The following SMAD2 variants were observed in gnomAD, a reference collection of about 807,000 sequenced individuals.
The protein encoded by SMAD2 is SMAD family member 2.
SMAD2 carries 8 observed loss-of-function variants against 64.4 expected under a neutral mutation model. That is an observed-to-expected ratio of 0.12 (90% CI 0.07 to 0.22). SMAD2 has a LOEUF of 0.22. Among genes scored for constraint, SMAD2 ranks in the 10% least tolerant of loss-of-function variants. SMAD2 has a pLI of 1.00. For synonymous variants in SMAD2, 203 were observed against 195.8 expected (o/e 1.04, Z -0.31); for missense variants, 289 against 561.2 (o/e 0.51, Z 4.90).
Position 47,869,403 on chromosome 18 carries a change from T to C in SMAD2, c.360A>G (p.Arg120=). The C allele has an allele frequency of 6.2e-7, 1 of 1,613,336 alleles. No individual in the cohort carries two copies. Among genetic ancestry groups the C allele is most frequent in the Non-Finnish European group, 8.5e-7 (1 of 1,179,726 alleles). ...AATATATAACATGTGGCAATCCTTT[T>C]CGATGGGATACCTGGAGACGACCAT... ...SLDGRLQVSH[R]KGLPHVIYCR... is the part of the protein sequence containing the mutation. Residue 120 remains arginine, a synonymous_variant, in exon 4 of 11, where the codon CGA becomes CGG. Transcript: ENST00000262160.
At chr18:47,928,095 C>A (rs912831792) in intron 1 of SMAD2, among the ~76,000 whole-genome samples, 4 of 151,984 alleles carry the variant, frequency 2.6e-5, no homozygotes, top group Non-Finnish European at 4.4e-5. Context: ...AAAAGACATG[C>A]CCCCCTCTAC....
chr18:47,916,355 G>C (rs946909998), intron 1 of SMAD2, among the ~76,000 whole-genome samples: 1 of 152,068 alleles, frequency 6.6e-6, no homozygotes, highest in Non-Finnish European at 1.5e-5. Flanking sequence ...TTGTAGTCTG[G>C]TGTTTTGCTT....
Position 47,841,560 on chromosome 18 carries a change from A to T in SMAD2, c.*267T>A. The T allele has an allele frequency of 2.0e-6, 1 of 505,020 alleles. No individual in the cohort carries two copies. Among genetic ancestry groups the T allele is most frequent in the Non-Finnish European group, 3.6e-6 (1 of 276,878 alleles). The allele number at this position is 505,020 out of a possible 1,614,324, so 31.3% of individuals were successfully genotyped here. ...ACTGTTATTAATAAACCTTTGGGAC[A>T]CTCAGTTTTATGCCCAATAAGACAT... On this transcript the variant is annotated 3_prime_UTR_variant, in exon 11 of 11. Transcript: ENST00000262160.
chr18:47,843,774 T>A (rs553147440), intron 10 of SMAD2, among the ~76,000 whole-genome samples: 11 of 152,302 alleles, frequency 7.2e-5, no homozygotes, highest in African/African-American at 2.6e-4. Context: ...ACTGCTTCTG[T>A]AATTACAGAT....
At chr18:47,916,862 A>T (rs969236491) in intron 1 of SMAD2, among the ~76,000 whole-genome samples, 1 of 152,236 alleles carries the variant, frequency 6.6e-6, no homozygotes, top group East Asian at 1.9e-4. Flanking sequence ...TTAAAATCTC[A>T]GTTTGTCTGC....
In SMAD2 at chr18:47,837,780, T is replaced by C; in HGVS notation, c.*4047A>G. On this transcript the variant is annotated 3_prime_UTR_variant, in exon 11 of 11. Coordinates refer to ENST00000262160, the MANE Select transcript of SMAD2 (RefSeq NM_005901.6). ...AAGAAAAAAGTATTCATTGTTCATG[T>C]CCACAGACTAGATATCTAAAGAGAT... is the stretch of plus-strand genomic sequence containing the variant. 1 of 233,026 alleles carries C rather than the reference T, an allele frequency of 4.3e-6. No homozygotes were observed. Among genetic ancestry groups the C allele is most frequent in the Non-Finnish European group, 8.5e-6 (1 of 117,868 alleles). The allele number at this position is 233,026 out of a possible 1,614,324, so 14.4% of individuals were successfully genotyped here.
chr18:47,848,443 T>G (rs984856319), intron 8 of SMAD2, 32 bp downstream of exon 8: 1 of 1,513,158 alleles, frequency 6.6e-7, no homozygotes, highest in Non-Finnish European at 9.2e-7. Context: ...TATACAGCAT[T>G]TATTTTTCAC....
At chr18:47,915,660 T>C (rs1187983914) in intron 1 of SMAD2, among the ~76,000 whole-genome samples, 1 of 152,200 alleles carries the variant, frequency 6.6e-6, no homozygotes, top group African/African-American at 2.4e-5. Context: ...CACCATATGC[T>C]GCACTCTACA....
chr18:47,828,289 G>A lies in SMAD2; in HGVS notation c.*13538C>T, dbSNP rs188499016. The A allele has an allele frequency of 0.024, 3,669 of 153,178 alleles. 90 individuals are homozygous for A. Among genetic ancestry groups the A allele is most frequent in the African/African-American group, 0.059 (2,431 of 40,956 alleles). 9.5% of individuals were successfully genotyped at this position (153,178 alleles called of 1,614,324 possible). A position where few individuals can be genotyped will look rare whatever the true frequency, so the allele number is the denominator to read the frequency against. On this transcript the variant is annotated 3_prime_UTR_variant, in exon 11 of 11. Coordinates refer to ENST00000262160, the MANE Select transcript of SMAD2 (RefSeq NM_005901.6). ...GGGAGGTGGGGGGCAACCCCCGCCC[G>A]GCCAGCTGCCCCGTTCGGGAGGTGG...
chr18:47,901,323 C>G (rs980304741), intron 1 of SMAD2, among the ~76,000 whole-genome samples: 12 of 152,156 alleles, frequency 7.9e-5, no homozygotes, highest in African/African-American at 2.9e-4. Context: ...TATAGCCACA[C>G]TTATTTCCTT....
At position 47,829,660 on chromosome 18, in the gene SMAD2, G is replaced by A. The variant is rs895547975; in HGVS notation, c.*12167C>T. ...GTAGAGAGATTAAAAACGGGAAGCA[G>A]TGCATAGGCAGTATGAAGTAGACAC... On this transcript the variant is annotated 3_prime_UTR_variant, in exon 11 of 11. Transcript: ENST00000262160. 4.6e-5 allele frequency: 7 copies of A among 152,170 alleles called. No individual in the cohort carries two copies. Among genetic ancestry groups the A allele is most frequent in the African/African-American group, 1.4e-4 (6 of 41,426 alleles). The allele number at this position is 152,170 out of a possible 1,614,324, so 9.4% of individuals were successfully genotyped here.
intron 2 of SMAD2, among the ~76,000 whole-genome samples, chr18:47,871,552 T>C (rs2031934218): frequency 6.6e-6 from 1 of 152,200 alleles, no homozygotes; most frequent in Non-Finnish European, 1.5e-5. Flanking sequence ...GTCACATAGC[T>C]ATCAGGCTGC....
chr18:47,908,787 T>C (rs985935163), intron 1 of SMAD2, among the ~76,000 whole-genome samples: 4 of 152,254 alleles, frequency 2.6e-5, no homozygotes, highest in Admixed American at 6.5e-5. Context: ...CATCTCTGCA[T>C]GAGCAGTTCT....
intron 8 of SMAD2, among the ~76,000 whole-genome samples, chr18:47,847,759 C>T (rs185588074): frequency 3.5e-5 from 5 of 142,832 alleles, no homozygotes; most frequent in African/African-American, 1.3e-4. Flanking sequence ...TCTAGTGTAA[C>T]AGAATTGGAG....
At position 47,827,608 on chromosome 18, in the gene SMAD2, G is replaced by C. The variant is rs906431408; in HGVS notation, c.*14219C>G. The C allele has an allele frequency of 6.4e-6, 1 of 156,166 alleles. No individual in the cohort carries two copies. The highest frequency in any genetic ancestry group is 2.4e-5 in the African/African-American group (1 of 41,508). The allele number at this position is 156,166 out of a possible 1,614,324, so 9.7% of individuals were successfully genotyped here. Reference sequence around the variant, plus strand: ...TGATTCTCCTGCCTCAGCCTGCCGAGTGCCTGGGATTGCAGACGCGCGCCG... The same window carrying C: ...TGATTCTCCTGCCTCAGCCTGCCGACTGCCTGGGATTGCAGACGCGCGCCG... On this transcript the variant is annotated 3_prime_UTR_variant, in exon 11 of 11. Coordinates refer to ENST00000262160, the MANE Select transcript of SMAD2 (RefSeq NM_005901.6).
At chr18:47,903,730 G>A (rs918381075) in intron 1 of SMAD2, among the ~76,000 whole-genome samples, 2 of 151,958 alleles carry the variant, frequency 1.3e-5, no homozygotes, top group Non-Finnish European at 2.9e-5. Flanking sequence ...TTACAAAAGA[G>A]GATCACAGGA....
rs5824709 is a variant in SMAD2, at chr18:47,839,025, CA to C, written c.*2801del. On this transcript the variant is annotated 3_prime_UTR_variant, in exon 11 of 11. Coordinates refer to ENST00000262160, the MANE Select transcript of SMAD2 (RefSeq NM_005901.6). ...TATAAATGGGGGGAGGGGCAGAAAACAAAAAAAAAATCAGGCCACAGTAGAT... is the reference window on the plus strand; with the variant it reads ...TATAAATGGGGGGAGGGGCAGAAAACAAAAAAAAATCAGGCCACAGTAGAT... 133,397 of 227,018 alleles carry C rather than the reference CA, an allele frequency of 0.59. 39,227 individuals carry two copies. Among genetic ancestry groups the C allele is most frequent in the East Asian group, 0.83 (13,596 of 16,288 alleles). The allele number at this position is 227,018 out of a possible 1,614,324, so 14.1% of individuals were successfully genotyped here.
intron 6 of SMAD2, among the ~76,000 whole-genome samples, chr18:47,854,017 G>A (rs1410812608): frequency 6.6e-6 from 1 of 151,674 alleles, no homozygotes; most frequent in African/African-American, 2.4e-5. Flanking sequence ...GATGTGACAG[G>A]TTAGAATTAC....
Position 47,832,539 on chromosome 18 carries a change from A to G in SMAD2, c.*9288T>C, listed in dbSNP as rs967591966. On this transcript the variant is annotated 3_prime_UTR_variant, in exon 11 of 11. Coordinates refer to ENST00000262160, the MANE Select transcript of SMAD2 (RefSeq NM_005901.6). ...AAAGCATGTTTAAAATGGTTTGCAGAAAACAGTCTGCTAACCAGTACTGAT... is the reference window on the plus strand; with the variant it reads ...AAAGCATGTTTAAAATGGTTTGCAGGAAACAGTCTGCTAACCAGTACTGAT... The G allele has an allele frequency of 6.6e-6, 1 of 152,190 alleles. No homozygotes were observed. Among genetic ancestry groups the G allele is most frequent in the Non-Finnish European group, 1.5e-5 (1 of 68,022 alleles). 9.4% of individuals were successfully genotyped at this position (152,190 alleles called of 1,614,324 possible).
Sources: allele counts gnomAD v4.1 joint callset (sites outside exome capture counted in the v4.1 genomes callset), GRCh38; gene constraint gnomAD v4.1.1; transcripts MANE v1.5; gene names NCBI Gene and HGNC (gene_info 2026-07-23, HGNC 2026-07-21).